The following PCDH15 variants were observed in gnomAD, a reference collection of about 807,000 sequenced individuals.
PCDH15 encodes protocadherin related 15.
A neutral mutation model predicts 178.5 loss-of-function variants in PCDH15; 129 were observed. The observed-to-expected ratio is 0.72, with a 90% CI of 0.63 to 0.84. The LOEUF is 0.84. Among genes scored for constraint, PCDH15 ranks in the 40% least tolerant of loss-of-function variants. The pLI is 0.00. For synonymous variants in PCDH15, 800 were observed against 732.0 expected, an observed-to-expected ratio of 1.09 and a Z score of -1.50; for missense variants, 2,230 against 2,099.9, an observed-to-expected ratio of 1.06 and a Z score of -1.21.
chr10:54,009,609 T>C (rs2092505649), intron 20 of PCDH15, among the ~76,000 whole-genome samples: 2 of 152,074 alleles, frequency 1.3e-5, no homozygotes, highest in Admixed American at 6.6e-5. Flanking sequence ...AAAATCCAGG[T>C]GGAGACACAC....
chr10:55,450,271 A>G (rs1839405739), intron 2 of PCDH15, among the ~76,000 whole-genome samples: 1 of 152,164 alleles, frequency 6.6e-6, no homozygotes, highest in Non-Finnish European at 1.5e-5. Flanking sequence ...TCGTTTATAC[A>G]TGAGAAAAGT....
intron 3 of PCDH15, among the ~76,000 whole-genome samples, chr10:54,823,919 A>G (rs973531354): frequency 6.6e-6 from 1 of 152,114 alleles, no homozygotes; most frequent in African/African-American, 2.4e-5. Flanking sequence ...TCTTTCCTGC[A>G]CTCCCAAGGT....
chr10:54,108,209 A>G (rs183718858), intron 15 of PCDH15, among the ~76,000 whole-genome samples: 43 of 152,300 alleles, frequency 2.8e-4, no homozygotes, highest in Admixed American at 1.2e-3. Flanking sequence ...GTAAATACAT[A>G]TCACTGAAAG....
intron 9 of PCDH15, among the ~76,000 whole-genome samples, chr10:54,214,300 A>G (rs551380255): frequency 6.6e-6 from 1 of 152,276 alleles, no homozygotes; most frequent in Non-Finnish European, 1.5e-5. Flanking sequence ...GCTCTAATTA[A>G]TTTGAATCTT....
intron 2 of PCDH15, among the ~76,000 whole-genome samples, chr10:55,623,392 T>A (rs1278990708): frequency 6.6e-6 from 1 of 152,098 alleles, no homozygotes; most frequent in African/African-American, 2.4e-5. Context: ...TTAAGATTTG[T>A]CTTCTTCTAG....
intron 3 of PCDH15, among the ~76,000 whole-genome samples, chr10:54,450,437 T>C (rs1403558561): frequency 6.6e-6 from 1 of 151,668 alleles, no homozygotes; most frequent in Non-Finnish European, 1.5e-5. Context: ...AACTTATTTA[T>C]ATTCCAAATA....
intron 9 of PCDH15, among the ~76,000 whole-genome samples, chr10:54,215,369 C>G (rs2051902250): frequency 6.6e-6 from 1 of 152,030 alleles, no homozygotes; most frequent in Non-Finnish European, 1.5e-5. Context: ...ACATATTTCA[C>G]ACCATTAAAA....
intron 1 of PCDH15, among the ~76,000 whole-genome samples, chr10:54,757,119 C>A (rs1947242219): frequency 1.3e-5 from 2 of 152,104 alleles, no homozygotes; most frequent in African/African-American, 4.8e-5. Context: ...CTGCTTCCAG[C>A]CGGGGTATAT....
intron 18 of PCDH15, among the ~76,000 whole-genome samples, chr10:54,050,372 G>A (rs1049243450): frequency 1.3e-5 from 2 of 152,030 alleles, no homozygotes; most frequent in African/African-American, 4.8e-5. Context: ...TAGCATCTGA[G>A]GATCTTTTGT....
chr10:54,508,332 T>C (rs2081343104), intron 3 of PCDH15, among the ~76,000 whole-genome samples: 1 of 151,994 alleles, frequency 6.6e-6, no homozygotes, highest in Non-Finnish European at 1.5e-5. Flanking sequence ...TTGAAGTCAA[T>C]ATAGTACCAT....
At chr10:54,280,183 AC>A (rs2132696645) in intron 8 of PCDH15, among the ~76,000 whole-genome samples, 1 of 151,806 alleles carries the variant, frequency 6.6e-6, no homozygotes, top group South Asian at 2.1e-4. Flanking sequence ...AAACCCTGCT[AC>A]CCATTTCCTT....
At chr10:54,781,660 A>C (rs897897209) in intron 1 of PCDH15, among the ~76,000 whole-genome samples, 1 of 152,182 alleles carries the variant, frequency 6.6e-6, no homozygotes, top group African/African-American at 2.4e-5. Context: ...TTGAATAAAA[A>C]TTATTATTTT....
chr10:54,378,429 C>T (rs777606280), intron 4 of PCDH15, among the ~76,000 whole-genome samples: 3 of 151,988 alleles, frequency 2.0e-5, no homozygotes, highest in East Asian at 3.9e-4. Context: ...ATCTTCAAGC[C>T]GGCAGCTGAG....
chr10:54,939,494 C>CA (rs71014430), intron 2 of PCDH15, among the ~76,000 whole-genome samples: 2,163 of 26,584 alleles, frequency 0.081, 548 homozygotes, highest in East Asian at 0.11. Context: ...GACTCCGTCT[C>CA]AAAAAAAAAA....
chr10:54,567,999 T>C (rs972200626), intron 2 of PCDH15, among the ~76,000 whole-genome samples: 3 of 152,202 alleles, frequency 2.0e-5, no homozygotes, highest in Non-Finnish European at 4.4e-5. Context: ...CACATAAGTA[T>C]ACTTATAAAA....
chr10:53,899,142 CGG>C (rs57832917), intron 26 of PCDH15, among the ~76,000 whole-genome samples: 1 of 139,768 alleles, frequency 7.2e-6, no homozygotes, highest in African/African-American at 2.6e-5. Flanking sequence ...TACTTTTTTT[CGG>C]GGGGGGGTGG....
At chr10:54,611,897 A>G (rs2092971807) in intron 2 of PCDH15, among the ~76,000 whole-genome samples, 1 of 151,902 alleles carries the variant, frequency 6.6e-6, no homozygotes, top group African/African-American at 2.4e-5. Flanking sequence ...GTATGATTGT[A>G]TGAATGATTA....
At chr10:55,485,581 T>C (rs902796811) in intron 2 of PCDH15, among the ~76,000 whole-genome samples, 2 of 151,586 alleles carry the variant, frequency 1.3e-5, no homozygotes, top group African/African-American at 2.4e-5. Flanking sequence ...TGGAAAACAG[T>C]ATGGAGGTTC....
intron 3 of PCDH15, among the ~76,000 whole-genome samples, chr10:54,513,865 C>T (rs774894710): frequency 6.6e-6 from 1 of 152,098 alleles, no homozygotes; most frequent in Admixed American, 6.6e-5. Context: ...TAGTCTTTGC[C>T]CTCACAGAAA....
Sources: gnomAD v4.1 joint callset for allele counts (sites outside exome capture counted in the v4.1 genomes callset) on GRCh38, gnomAD v4.1.1 for gene constraint, MANE v1.5 for transcripts, NCBI Gene and HGNC (gene_info 2026-07-23, HGNC 2026-07-21) for gene names.